The following KCNH7 variants were observed in gnomAD, a reference collection of about 807,000 sequenced individuals.
KCNH7 encodes the protein voltage-gated inwardly rectifying potassium channel KCNH7.
In KCNH7, 49 loss-of-function variants were observed where a neutral mutation model predicts 120.8. The observed-to-expected ratio is 0.41, with a 90% CI of 0.32 to 0.51. KCNH7 has a LOEUF of 0.51. Ranked by LOEUF, KCNH7 falls within the 20% of genes least tolerant of loss-of-function variation. KCNH7 has a pLI of 0.38. For synonymous variants in KCNH7, 547 were observed against 516.1 expected (o/e 1.06, Z -0.81); for missense variants, 1,097 against 1,446.6 (o/e 0.76, Z 3.92).
chr2:162,540,053 A>T (rs1692250474), intron 2 of KCNH7, among the ~76,000 whole-genome samples: 1 of 152,060 alleles, frequency 6.6e-6, no homozygotes, highest in Non-Finnish European at 1.5e-5. Flanking sequence ...AGCAAGAGCA[A>T]TGGAAACCTA....
At chr2:162,690,656 T>C (rs1469910203) in intron 2 of KCNH7, among the ~76,000 whole-genome samples, 2 of 152,142 alleles carry the variant, frequency 1.3e-5, no homozygotes. Context: ...CTCTGAAGAA[T>C]CTTTGCTTTC....
intron 6 of KCNH7, among the ~76,000 whole-genome samples, chr2:162,457,551 C>T (rs1048359707): frequency 6.6e-6 from 1 of 152,110 alleles, no homozygotes; most frequent in Admixed American, 6.6e-5. Context: ...TGAAACAGAA[C>T]TATTTATTCA....
At position 162,662,455 on chromosome 2, in the gene KCNH7, A is replaced by C. The variant is rs542245246; in HGVS notation, c.308-125375T>G. On this transcript the variant is annotated intron_variant, in intron 2 of 15. Transcript: ENST00000332142. Reference sequence around the variant, plus strand: ...GCTTGTTTTAGGCAAAGCAAATTACAGACAGATACCTGAAATACTAGTCAA... The same window carrying C: ...GCTTGTTTTAGGCAAAGCAAATTACCGACAGATACCTGAAATACTAGTCAA... 9.8e-5 allele frequency among the ~76,000 whole-genome samples: 15 copies of C among 152,360 alleles called. No individual in the cohort carries two copies. In the East Asian group the frequency reaches 2.9e-3, roughly 29 times the overall value.
intron 5 of KCNH7, among the ~76,000 whole-genome samples, chr2:162,507,542 T>G (rs1690922107): frequency 6.6e-6 from 1 of 151,624 alleles, no homozygotes; most frequent in South Asian, 2.1e-4. Flanking sequence ...CATTTCATTT[T>G]CCATTCCATC....
At chr2:162,481,437 T>C (rs989134305) in intron 6 of KCNH7, among the ~76,000 whole-genome samples, 1 of 152,160 alleles carries the variant, frequency 6.6e-6, no homozygotes, top group Non-Finnish European at 1.5e-5. Flanking sequence ...GAAATTTGAA[T>C]ACAAATGATA....
intron 6 of KCNH7, among the ~76,000 whole-genome samples, chr2:162,492,208 A>G (rs1301714123): frequency 6.6e-6 from 1 of 152,220 alleles, no homozygotes; most frequent in East Asian, 1.9e-4. Flanking sequence ...CTTAAGCTGT[A>G]GCCAATCTGG....
At chr2:162,684,421 A>G (rs1685815111) in intron 2 of KCNH7, among the ~76,000 whole-genome samples, 1 of 152,258 alleles carries the variant, frequency 6.6e-6, no homozygotes, top group East Asian at 1.9e-4. Context: ...CAACCTACGG[A>G]AAGGGAGAAA....
intron 2 of KCNH7, among the ~76,000 whole-genome samples, 180 bp downstream of exon 2, chr2:162,836,357 A>C (rs544333211): frequency 6.6e-6 from 1 of 152,310 alleles, no homozygotes; most frequent in South Asian, 2.1e-4. Flanking sequence ...ATTCAAAGAA[A>C]AAATTGTTTC....
At chr2:162,633,074 G>T (rs145438349) in intron 2 of KCNH7, among the ~76,000 whole-genome samples, 244 of 151,924 alleles carry the variant, frequency 1.6e-3, no homozygotes, top group Non-Finnish European at 2.9e-3. Context: ...AGATCAAAAA[G>T]AAATTAATAT....
At chr2:162,567,208 CTT>C (rs978063606) in intron 2 of KCNH7, among the ~76,000 whole-genome samples, 1 of 151,918 alleles carries the variant, frequency 6.6e-6, no homozygotes, top group African/African-American at 2.4e-5. Flanking sequence ...CAACATAACT[CTT>C]TATACTCTAT....
intron 2 of KCNH7, among the ~76,000 whole-genome samples, chr2:162,616,581 G>A (rs1005315560): frequency 2.6e-5 from 4 of 152,018 alleles, no homozygotes; most frequent in East Asian, 1.9e-4. Flanking sequence ...TTCCTGCACC[G>A]TCAACTGTCC....
intron 2 of KCNH7, among the ~76,000 whole-genome samples, chr2:162,750,153 G>A (rs1688488590): frequency 6.7e-6 from 1 of 150,194 alleles, no homozygotes; most frequent in Non-Finnish European, 1.5e-5. Context: ...GCAAAGCCAA[G>A]GAGTCCACAG....
Position 162,429,383 on chromosome 2 carries a change from C to CTTTTTTTTTTTTTTTTTTTTTTTT in KCNH7, c.1954+5814_1954+5815insAAAAAAAAAAAAAAAAAAAAAAAA, listed in dbSNP as rs60854157. 2.2e-3 allele frequency among the ~76,000 whole-genome samples: 189 copies of CTTTTTTTTTTTTTTTTTTTTTTTT among 86,218 alleles called. 10 individuals carry two copies. The highest frequency in any genetic ancestry group is 2.5e-3 in the Non-Finnish European group (126 of 50,174). The allele number at this position is 86,218 out of a possible 152,430, so 56.6% of individuals were successfully genotyped here. ...AGACATTTAGAAATGAGGAAAAAGT[C>CTTTTTTTTTTTTTTTTTTTTTTTT]TTTTTTTTTTTTTTTTTTTTTTACT... is the stretch of plus-strand genomic sequence containing the variant. On this transcript the variant is annotated intron_variant, in intron 8 of 15. Coordinates refer to ENST00000332142, the MANE Select transcript of KCNH7 (RefSeq NM_033272.4).
chr2:162,467,841 CA>C (rs1430405734), intron 6 of KCNH7, among the ~76,000 whole-genome samples: 1 of 152,182 alleles, frequency 6.6e-6, no homozygotes, highest in Non-Finnish European at 1.5e-5. Flanking sequence ...ATCAAGGCAA[CA>C]GCAGATTCTG....
intron 6 of KCNH7, among the ~76,000 whole-genome samples, chr2:162,499,461 GA>G (rs202165633): frequency 6.6e-6 from 1 of 151,340 alleles, no homozygotes; most frequent in African/African-American, 2.4e-5. Flanking sequence ...TGTAGTGCAG[GA>G]AAAAAAACAC....
At chr2:162,465,779 T>C (rs903753782) in intron 6 of KCNH7, among the ~76,000 whole-genome samples, 1 of 152,204 alleles carries the variant, frequency 6.6e-6, no homozygotes, top group Non-Finnish European at 1.5e-5. Context: ...TGTGGGGTCA[T>C]GCACTCCTTT....
intron 2 of KCNH7, among the ~76,000 whole-genome samples, chr2:162,790,440 C>T (rs1017770788): frequency 6.6e-6 from 1 of 151,862 alleles, no homozygotes; most frequent in Admixed American, 6.6e-5. Context: ...TCTTCTCAAA[C>T]TCTTCCAAAA....
intron 2 of KCNH7, among the ~76,000 whole-genome samples, chr2:162,835,275 C>T (rs1452713559): frequency 6.6e-6 from 1 of 152,040 alleles, no homozygotes; most frequent in East Asian, 1.9e-4. Flanking sequence ...AACCACTCAA[C>T]TTCATGTTAA....
At chr2:162,738,328 A>G (rs1345410872) in intron 2 of KCNH7, among the ~76,000 whole-genome samples, 1 of 152,144 alleles carries the variant, frequency 6.6e-6, no homozygotes, top group African/African-American at 2.4e-5. Context: ...TAAGCTCATG[A>G]CGACCTACCC....
Sources: allele counts gnomAD v4.1 joint callset (sites outside exome capture counted in the v4.1 genomes callset), GRCh38; gene constraint gnomAD v4.1.1; transcripts MANE v1.5; gene names NCBI Gene and HGNC (gene_info 2026-07-23, HGNC 2026-07-21).